Variants in GRIK3 observed in about 807,000 individuals in gnomAD.
GRIK3 encodes the protein glutamate receptor ionotropic, kainate 3.
Under a neutral mutation model 102.5 loss-of-function variants are expected in GRIK3, and 29 were observed. The ratio of observed to expected loss-of-function variants is 0.28; its 90% CI spans 0.21 to 0.39. The LOEUF is 0.39. Among genes scored for constraint, GRIK3 ranks in the 10% least tolerant of loss-of-function variants. The pLI, the probability that GRIK3 is intolerant of heterozygous loss-of-function variation, is 1.00. For synonymous variants in GRIK3, 511 were observed against 504.9 expected (o/e 1.01, Z -0.16); for missense variants, 908 against 1,252.4 (o/e 0.73, Z 4.15).
intron 1 of GRIK3, among the ~76,000 whole-genome samples, chr1:36,996,103 A>T (rs935544419): frequency 6.6e-6 from 1 of 152,212 alleles, no homozygotes; most frequent in African/African-American, 2.4e-5. Flanking sequence ...CTTCCACGTC[A>T]GGCCAAGGTC....
chr1:37,032,211 T>C (rs1642835726), intron 1 of GRIK3, among the ~76,000 whole-genome samples: 1 of 152,156 alleles, frequency 6.6e-6, no homozygotes, highest in Admixed American at 6.5e-5. Context: ...GGATACATCA[T>C]CCTGCGCCTT....
intron 1 of GRIK3, among the ~76,000 whole-genome samples, chr1:36,897,216 G>A (rs1161873667): frequency 6.6e-6 from 1 of 152,112 alleles, no homozygotes; most frequent in Non-Finnish European, 1.5e-5. Flanking sequence ...GTGTCTGTCT[G>A]CAGATAATAT....
chr1:36,859,834 G>A lies in GRIK3; in HGVS notation c.960+10C>T. 6.2e-7 allele frequency: 1 copy of A among 1,609,980 alleles called. No homozygotes were observed. On this transcript the variant is annotated intron_variant, in intron 6 of 15. Transcript: ENST00000373091. ...AAGCCCCTGGAATTCACCTCACCCA[G>A]CCGCCTTACCATCATCACTCCATCC...
chr1:36,989,826 A>G (rs940119547), intron 1 of GRIK3, among the ~76,000 whole-genome samples: 1 of 152,190 alleles, frequency 6.6e-6, no homozygotes, highest in African/African-American at 2.4e-5. Flanking sequence ...CCCATCCTGT[A>G]CCAACAATAC....
chr1:36,930,612 G>A (rs1029044152), intron 1 of GRIK3, among the ~76,000 whole-genome samples: 8 of 152,308 alleles, frequency 5.3e-5, no homozygotes, highest in Admixed American at 3.9e-4. Flanking sequence ...TCCACATGGG[G>A]CATTACATCC....
chr1:36,928,327 T>A (rs1442883819), intron 1 of GRIK3, among the ~76,000 whole-genome samples: 1 of 152,200 alleles, frequency 6.6e-6, no homozygotes, highest in Non-Finnish European at 1.5e-5. Context: ...CACAGCTACC[T>A]CCACCCCAGA....
chr1:36,910,682 C>A (rs3767064), intron 1 of GRIK3, among the ~76,000 whole-genome samples: 1 of 152,302 alleles, frequency 6.6e-6, no homozygotes, highest in East Asian at 1.9e-4. Context: ...TTCTAATGTC[C>A]TGGGAGAGGA....
chr1:37,022,488 A>C (rs1324467297), intron 1 of GRIK3, among the ~76,000 whole-genome samples: 1 of 152,226 alleles, frequency 6.6e-6, no homozygotes, highest in Non-Finnish European at 1.5e-5. Context: ...AAGACAATGA[A>C]TGTAAAGTCC....
In GRIK3 at chr1:36,952,173, C is replaced by T. The variant is rs1346509017; in HGVS notation, c.116-61077G>A. Among the ~76,000 whole-genome samples, 3 of 152,206 alleles carry T rather than the reference C, an allele frequency of 2.0e-5. No homozygotes were observed. The East Asian group carries it at 5.8e-4, about 29-fold the overall frequency. Reference sequence around the variant, plus strand: ...TGTTCTTTCTGCTGTACAATACGTACCACTCAGCCACGAGAGCCTACTCAT... The same window carrying T: ...TGTTCTTTCTGCTGTACAATACGTATCACTCAGCCACGAGAGCCTACTCAT... On this transcript the variant is annotated intron_variant, in intron 1 of 15. Coordinates refer to ENST00000373091, the MANE Select transcript of GRIK3 (RefSeq NM_000831.4).
chr1:36,874,547 G>A (rs1640891287), intron 3 of GRIK3, among the ~76,000 whole-genome samples: 1 of 152,156 alleles, frequency 6.6e-6, no homozygotes, highest in African/African-American at 2.4e-5. Context: ...GAAGGGAGAG[G>A]CCACAAGCTA....
Position 36,853,696 on chromosome 1 carries a change from T to G in GRIK3, c.1131A>C (p.Arg377=), listed in dbSNP as rs773561808. ...AGCCACTAGTTTTGTTGAAAACAAT[T>G]CGTCCAGTTAATCCTTCCCATTGAG... is the stretch of plus-strand genomic sequence containing the variant. ...KEAQWEGLTG[R]IVFNKTSGLR... Residue 377 remains arginine (R), a synonymous_variant, in exon 8 of 16, where the codon CGA becomes CGC. Coordinates refer to ENST00000373091, the MANE Select transcript of GRIK3 (RefSeq NM_000831.4). 3 of 1,613,384 alleles carry G rather than the reference T, an allele frequency of 1.9e-6. No homozygotes were observed. The highest frequency in any genetic ancestry group is 2.5e-6 in the Non-Finnish European group (3 of 1,179,264).
chr1:36,961,855 G>A (rs1331619575), intron 1 of GRIK3, among the ~76,000 whole-genome samples: 1 of 152,222 alleles, frequency 6.6e-6, no homozygotes. Flanking sequence ...AGGTGCGGGG[G>A]ACTCAGCAGT....
intron 1 of GRIK3, among the ~76,000 whole-genome samples, chr1:37,006,868 C>G (rs146244767): frequency 7.2e-4 from 109 of 152,290 alleles, no homozygotes; most frequent in South Asian, 2.1e-3. Context: ...AAAATTGAGG[C>G]CTGGGAGGCG....
chr1:36,890,478 T>C (rs1036590195), intron 2 of GRIK3, among the ~76,000 whole-genome samples: 5 of 146,982 alleles, frequency 3.4e-5, no homozygotes, highest in African/African-American at 1.3e-4. Flanking sequence ...AAAAAAAAAA[T>C]GTCAGCAGTA....
Position 36,819,112 on chromosome 1 carries a change from G to A in GRIK3, c.1873+624C>T, listed in dbSNP as rs916994698. 1.3e-5 allele frequency among the ~76,000 whole-genome samples: 2 copies of A among 152,244 alleles called. No individual in the cohort carries two copies. Among genetic ancestry groups the A allele is most frequent in the Non-Finnish European group, 2.9e-5 (2 of 68,042 alleles). ...CACATTGGCCCTCCCTCCAGAGGAT[G>A]TAAGAGAATTGCATCTTTTTGTGTA... On this transcript the variant is annotated intron_variant, in intron 12 of 15. Transcript: ENST00000373091. This position sits in a 1 kb window ranked among gnomAD's most constrained non-coding sequence, Gnocchi z 4.1.
chr1:37,026,399 G>A (rs1308647055), intron 1 of GRIK3, among the ~76,000 whole-genome samples: 1 of 152,194 alleles, frequency 6.6e-6, no homozygotes, highest in Non-Finnish European at 1.5e-5. Flanking sequence ...CCACATACAA[G>A]GCTGCATGGA....
chr1:36,816,684 C>T (rs1308645944), intron 13 of GRIK3, among the ~76,000 whole-genome samples: 1 of 152,162 alleles, frequency 6.6e-6, no homozygotes, highest in Non-Finnish European at 1.5e-5. Context: ...TTGAGATGGA[C>T]GGCATTGAGG....
At chr1:36,839,776 T>A (rs1640424970) in intron 10 of GRIK3, among the ~76,000 whole-genome samples, 1 of 152,176 alleles carries the variant, frequency 6.6e-6, no homozygotes, top group Admixed American at 6.5e-5. Context: ...CTTGACCATT[T>A]GAGTCTCCTA....
At chr1:36,820,579 G>A (rs1396460166) in intron 11 of GRIK3, among the ~76,000 whole-genome samples, 1 of 152,108 alleles carries the variant, frequency 6.6e-6, no homozygotes, top group Non-Finnish European at 1.5e-5. Flanking sequence ...GGAGCCTATT[G>A]CTCTATCTGC....
Sources: gnomAD v4.1 joint callset for allele counts (sites outside exome capture counted in the v4.1 genomes callset) on GRCh38, gnomAD v4.1.1 for gene constraint, Gnocchi (gnomAD v3.1) non-coding constraint, MANE v1.5 for transcripts, NCBI Gene and HGNC (gene_info 2026-07-23, HGNC 2026-07-21) for gene names.